Variants in EHBP1 observed in about 807,000 individuals in gnomAD.
EHBP1 encodes EH domain binding protein 1, also known as EH domain-binding protein 1.
Under a neutral mutation model 144.0 loss-of-function variants are expected in EHBP1, and 55 were observed. The ratio of observed to expected loss-of-function variants is 0.38; its 90% CI spans 0.31 to 0.48. The LOEUF is 0.48. Ranked by LOEUF, EHBP1 falls within the 20% of genes least tolerant of loss-of-function variation. The pLI is 0.98. For synonymous variants in EHBP1, 469 were observed against 472.7 expected, an observed-to-expected ratio of 0.99 and a Z score of 0.10; for missense variants, 1,200 against 1,364.2, an observed-to-expected ratio of 0.88 and a Z score of 1.90.
At chr2:62,888,475 T>G (rs1186757002) in intron 10 of EHBP1, among the ~76,000 whole-genome samples, 1 of 152,254 alleles carries the variant, frequency 6.6e-6, no homozygotes, top group African/African-American at 2.4e-5. Context: ...TATCAGTATA[T>G]CGTGAAGTAA....
At chr2:62,703,497 G>C (rs1388035103), upstream of EHBP1, among the ~76,000 whole-genome samples, 3 of 152,188 alleles carry the variant, frequency 2.0e-5, no homozygotes, top group African/African-American at 7.2e-5. Flanking sequence ...TAGCTGCTCT[G>C]TAGGGCCTCC....
intron 10 of EHBP1, among the ~76,000 whole-genome samples, chr2:62,902,642 G>T (rs2053504509): frequency 6.6e-6 from 1 of 152,068 alleles, no homozygotes; most frequent in African/African-American, 2.4e-5. Flanking sequence ...TCCATGTTGG[G>T]CTGTAATAGT....
At chr2:63,015,192 A>G (rs1011065071) in intron 19 of EHBP1, among the ~76,000 whole-genome samples, 1 of 152,164 alleles carries the variant, frequency 6.6e-6, no homozygotes, top group African/African-American at 2.4e-5. Flanking sequence ...ATATTTTTGT[A>G]CATTGTACTT....
chr2:62,967,918 G>T (rs1452561523), intron 14 of EHBP1, among the ~76,000 whole-genome samples: 1 of 151,790 alleles, frequency 6.6e-6, no homozygotes, highest in Non-Finnish European at 1.5e-5. Flanking sequence ...CAGGAGAAAA[G>T]CCCTTAAGTG....
chr2:62,988,151 G>A (rs1053457694), intron 15 of EHBP1: 2 of 647,286 alleles, frequency 3.1e-6, no homozygotes, highest in African/African-American at 3.8e-5. Flanking sequence ...ACATCTTATG[G>A]CCTCATAAAC....
intron 5 of EHBP1, 188 bp downstream of exon 5, chr2:62,771,580 T>C: frequency 2.1e-6 from 1 of 477,106 alleles, no homozygotes; most frequent in Non-Finnish European, 3.7e-6. Flanking sequence ...AATGCTTTTA[T>C]TAACACTGTA....
intron 10 of EHBP1, among the ~76,000 whole-genome samples, chr2:62,915,396 A>G (rs1404198854): frequency 6.6e-6 from 1 of 152,156 alleles, no homozygotes; most frequent in African/African-American, 2.4e-5. Context: ...ATAGGGCTAT[A>G]GGAAAAATAG....
upstream of EHBP1, among the ~76,000 whole-genome samples, chr2:62,705,207 A>G (rs925117230): frequency 6.6e-6 from 1 of 152,114 alleles, no homozygotes; most frequent in Non-Finnish European, 1.5e-5. Context: ...CCTAGTTGCC[A>G]GTGGCGGAGG....
At chr2:62,806,371 G>T (rs940832071) in intron 5 of EHBP1, among the ~76,000 whole-genome samples, 1 of 149,986 alleles carries the variant, frequency 6.7e-6, no homozygotes, top group African/African-American at 2.5e-5. Context: ...CGTTTGGTTT[G>T]TTTTTTTTTG....
At chr2:62,689,730 T>C (rs372632661) in intron 1 of EHBP1, among the ~76,000 whole-genome samples, 8 of 152,206 alleles carry the variant, frequency 5.3e-5, no homozygotes, top group African/African-American at 1.9e-4. Context: ...CCAAATCTTA[T>C]GGCTATATTA....
chr2:62,986,554 T>C (rs2059199321), intron 15 of EHBP1, among the ~76,000 whole-genome samples: 1 of 151,476 alleles, frequency 6.6e-6, no homozygotes, highest in South Asian at 2.1e-4. Flanking sequence ...GCCATTCTCC[T>C]GCCTCAGCCT....
chr2:62,693,380 TTGTC>T (rs756612319), intron 1 of EHBP1, among the ~76,000 whole-genome samples: 2 of 152,268 alleles, frequency 1.3e-5, no homozygotes, highest in East Asian at 1.9e-4. Flanking sequence ...AGTGTATCAT[TTGTC>T]TGTCTTTGAG....
At chr2:62,841,266 C>G (rs991157813) in intron 7 of EHBP1, among the ~76,000 whole-genome samples, 5 of 147,708 alleles carry the variant, frequency 3.4e-5, no homozygotes, top group South Asian at 2.1e-4. Context: ...CGCATATTCT[C>G]ACTCATAGGT....
chr2:62,883,756 G>A (rs1328362273), intron 10 of EHBP1, among the ~76,000 whole-genome samples: 1 of 152,092 alleles, frequency 6.6e-6, no homozygotes. Context: ...TTGAGCCTAG[G>A]AATTAGAGAC....
In EHBP1 at chr2:62,781,500, T is replaced by C. The variant is rs1573317267; in HGVS notation, c.312+10108T>C. Among the ~76,000 whole-genome samples, 3 of 152,208 alleles carry C rather than the reference T, an allele frequency of 2.0e-5. No individual in the cohort carries two copies. The South Asian group carries it at 6.2e-4, about 31-fold the overall frequency. On this transcript the variant is annotated intron_variant, in intron 5 of 22. Transcript: ENST00000431489. ...GCCTCAGACTTCACTGGGAGTGTGC[T>C]GTAGTATATATATGGTAAAGGCATT...
intron 5 of EHBP1, among the ~76,000 whole-genome samples, chr2:62,781,974 G>A (rs1036922252): frequency 1.3e-5 from 2 of 152,186 alleles, no homozygotes; most frequent in African/African-American, 4.8e-5. Context: ...CATTTCTAAA[G>A]TGGATGTTAT....
chr2:62,809,449 G>A (rs897212470), intron 5 of EHBP1, among the ~76,000 whole-genome samples: 6 of 152,148 alleles, frequency 3.9e-5, no homozygotes, highest in Non-Finnish European at 7.3e-5. Context: ...ACTCACAAAA[G>A]CATGGGGTTG....
chr2:62,745,989 C>G (rs1000782100), intron 2 of EHBP1, among the ~76,000 whole-genome samples: 2 of 151,918 alleles, frequency 1.3e-5, no homozygotes, highest in Non-Finnish European at 2.9e-5. Context: ...AAAGTACTGT[C>G]GAAATATAAT....
At chr2:62,798,631 C>T (rs1402262352) in intron 5 of EHBP1, among the ~76,000 whole-genome samples, 1 of 152,086 alleles carries the variant, frequency 6.6e-6, no homozygotes, top group Non-Finnish European at 1.5e-5. Context: ...CTTAGAACAG[C>T]GCCAGACACA....
Sources: gnomAD v4.1 joint callset for allele counts (sites outside exome capture counted in the v4.1 genomes callset) on GRCh38, gnomAD v4.1.1 for gene constraint, MANE v1.5 for transcripts, NCBI Gene and HGNC (gene_info 2026-07-23, HGNC 2026-07-21) for gene names.